Variants in SLC4A10 observed in about 807,000 individuals in gnomAD.
SLC4A10 encodes sodium-driven chloride bicarbonate exchanger.
A neutral mutation model predicts 137.7 loss-of-function variants in SLC4A10; 42 were observed. The ratio of observed to expected loss-of-function variants is 0.30; its 90% CI spans 0.24 to 0.39. The LOEUF (loss-of-function observed/expected upper bound fraction) is 0.39. Ranked by LOEUF, SLC4A10 falls within the 10% of genes least tolerant of loss-of-function variation. SLC4A10 has a pLI of 1.00. For synonymous variants in SLC4A10, 474 were observed against 464.1 expected, an observed-to-expected ratio of 1.02 and a Z score of -0.27; for missense variants, 925 against 1,355.0, an observed-to-expected ratio of 0.68 and a Z score of 4.98.
chr2:161,850,008 C>T (rs796189901), intron 4 of SLC4A10, among the ~76,000 whole-genome samples: 10 of 152,226 alleles, frequency 6.6e-5, no homozygotes, highest in African/African-American at 1.9e-4. Flanking sequence ...GTGACTCCAT[C>T]TGATCCAAGG....
At chr2:161,700,096 G>A (rs2124997414) in intron 1 of SLC4A10, among the ~76,000 whole-genome samples, 1 of 152,276 alleles carries the variant, frequency 6.6e-6, no homozygotes, top group East Asian at 1.9e-4. Flanking sequence ...TTAAAACATT[G>A]AGTGATTATT....
chr2:161,808,846 G>A (rs1471911328), intron 3 of SLC4A10, among the ~76,000 whole-genome samples: 1 of 152,080 alleles, frequency 6.6e-6, no homozygotes. Flanking sequence ...CCATGTCTTT[G>A]CTATGGTGAA....
intron 1 of SLC4A10, among the ~76,000 whole-genome samples, chr2:161,636,860 A>AT (rs1209936849): frequency 6.6e-6 from 1 of 150,404 alleles, no homozygotes. Context: ...TGTCTAATTA[A>AT]TTTTTTTATT....
intron 1 of SLC4A10, among the ~76,000 whole-genome samples, chr2:161,674,841 A>G (rs945123804): frequency 1.3e-5 from 2 of 152,224 alleles, no homozygotes; most frequent in Non-Finnish European, 2.9e-5. Flanking sequence ...TAAAGAGCTT[A>G]CATTCTAGTC....
chr2:161,693,875 A>T (rs995215532), intron 1 of SLC4A10, among the ~76,000 whole-genome samples: 7 of 151,834 alleles, frequency 4.6e-5, no homozygotes, highest in Non-Finnish European at 8.8e-5. Context: ...TCGTACATCC[A>T]TGGATGCTTA....
intron 1 of SLC4A10, among the ~76,000 whole-genome samples, chr2:161,728,978 G>T (rs1364425327): frequency 6.6e-6 from 1 of 151,854 alleles, no homozygotes; most frequent in Non-Finnish European, 1.5e-5. Flanking sequence ...GGCAGAAAAT[G>T]CATTTGACAA....
intron 15 of SLC4A10, among the ~76,000 whole-genome samples, chr2:161,937,309 T>C (rs1384247607): frequency 6.6e-6 from 1 of 152,198 alleles, no homozygotes; most frequent in Non-Finnish European, 1.5e-5. Flanking sequence ...GTTATTATTT[T>C]AATATGCAAT....
intron 1 of SLC4A10, among the ~76,000 whole-genome samples, chr2:161,654,255 G>A (rs1051211633): frequency 6.6e-6 from 1 of 152,178 alleles, no homozygotes; most frequent in African/African-American, 2.4e-5. Flanking sequence ...AGTTATAGGA[G>A]TTCCTTATAT....
chr2:161,727,556 G>T (rs1046686345), intron 1 of SLC4A10, among the ~76,000 whole-genome samples: 2 of 152,128 alleles, frequency 1.3e-5, no homozygotes, highest in African/African-American at 4.8e-5. Context: ...AAAACCCTTA[G>T]AGAGGACAAG....
At position 161,803,511 on chromosome 2, in the gene SLC4A10, C is replaced by T. The variant is rs551254465; in HGVS notation, c.131-938C>T. Among the ~76,000 whole-genome samples the T allele has an allele frequency of 3.3e-5, 5 of 152,236 alleles. No individual in the cohort carries two copies. The South Asian group carries it at 1.0e-3, about 32-fold the overall frequency. On this transcript the variant is annotated intron_variant, in intron 2 of 26. Coordinates refer to ENST00000446997, the MANE Select transcript of SLC4A10 (RefSeq NM_001178015.2). ...TTCCCTAAAAATGCCCTGTGCTCCACCTGTTCATCCCTATACCTTCTCCCT... is the reference window on the plus strand; with the variant it reads ...TTCCCTAAAAATGCCCTGTGCTCCATCTGTTCATCCCTATACCTTCTCCCT...
intron 16 of SLC4A10, 114 bp downstream of exon 16, chr2:161,943,011 G>C (rs1010207144): frequency 2.2e-4 from 151 of 698,352 alleles, no homozygotes; most frequent in Admixed American, 4.4e-4. Flanking sequence ...ACTAATAGTT[G>C]TGTTTTAATT....
chr2:161,956,843 G>C (rs1695757745), intron 19 of SLC4A10, 146 bp from the exon 20 acceptor site: 2 of 863,674 alleles, frequency 2.3e-6, no homozygotes, highest in Non-Finnish European at 3.4e-6. Context: ...ATTGGAAACT[G>C]AGTGTTTGTT....
chr2:161,655,868 GC>G (rs1196857899), intron 1 of SLC4A10, among the ~76,000 whole-genome samples: 2 of 151,028 alleles, frequency 1.3e-5, no homozygotes, highest in Non-Finnish European at 2.9e-5. Context: ...AGGCTGGAGT[GC>G]AGTGTATGAT....
intron 1 of SLC4A10, among the ~76,000 whole-genome samples, chr2:161,707,388 G>A (rs951029165): frequency 6.6e-6 from 1 of 151,322 alleles, no homozygotes; most frequent in Non-Finnish European, 1.5e-5. Flanking sequence ...TTCATAATGT[G>A]AGGGCTGTTT....
At chr2:161,858,221 G>A (rs1210139997) in intron 5 of SLC4A10, among the ~76,000 whole-genome samples, 1 of 152,036 alleles carries the variant, frequency 6.6e-6, no homozygotes, top group South Asian at 2.1e-4. Context: ...TGAATACACA[G>A]GCTTTACAGT....
intron 3 of SLC4A10, among the ~76,000 whole-genome samples, chr2:161,824,904 G>T (rs2057912266): frequency 6.6e-6 from 1 of 152,078 alleles, no homozygotes; most frequent in Non-Finnish European, 1.5e-5. Flanking sequence ...TTCTGCCTCT[G>T]CCACTCCTGA....
intron 2 of SLC4A10, among the ~76,000 whole-genome samples, chr2:161,784,762 TAA>T (rs1311847144): frequency 6.6e-6 from 1 of 151,022 alleles, no homozygotes; most frequent in Non-Finnish European, 1.5e-5. Flanking sequence ...TATTAAAAGA[TAA>T]GTTTATAATG....
chr2:161,904,655 G>T (rs749184898), intron 13 of SLC4A10, 121 bp from the exon 14 acceptor site: 17 of 1,229,308 alleles, frequency 1.4e-5, no homozygotes, highest in Admixed American at 6.8e-5. Flanking sequence ...CTTGCCCAGG[G>T]TTGCTAGACT....
intron 2 of SLC4A10, among the ~76,000 whole-genome samples, chr2:161,771,584 C>T (rs1035786658): frequency 2.6e-5 from 4 of 151,814 alleles, no homozygotes; most frequent in African/African-American, 9.7e-5. Context: ...AGTGCTGCCC[C>T]TTATTTGTCA....
Sources: gnomAD v4.1 joint callset for allele counts (sites outside exome capture counted in the v4.1 genomes callset) on GRCh38, gnomAD v4.1.1 for gene constraint, MANE v1.5 for transcripts, NCBI Gene and HGNC (gene_info 2026-07-23, HGNC 2026-07-21) for gene names.